ARHGAP6: variants seen among roughly 807,000 people sequenced by gnomAD.
ARHGAP6 encodes the protein rho GTPase-activating protein 6.
A neutral mutation model predicts 55.7 loss-of-function variants in ARHGAP6; 16 were observed. That is an observed-to-expected ratio of 0.29 (90% CI 0.19 to 0.44). The LOEUF (loss-of-function observed/expected upper bound fraction) is 0.44. Ranked by LOEUF, ARHGAP6 falls within the 20% of genes least tolerant of loss-of-function variation. The pLI, the probability that ARHGAP6 is intolerant of heterozygous loss-of-function variation, is 1.00. For synonymous variants in ARHGAP6, 382 were observed against 360.9 expected (o/e 1.06, Z -0.66); for missense variants, 698 against 808.9 (o/e 0.86, Z 1.66).
chrX:11,335,910 G>A, intron 1 of ARHGAP6: 1 of 153,016 alleles, frequency 6.5e-6, no homozygotes, highest in Non-Finnish European at 1.2e-5. Context: ...GCCGGGTCAT[G>A]GTGGACCTTG....
At chrX:11,358,560 A>G (rs112564010) in intron 1 of ARHGAP6, among the ~76,000 whole-genome samples, 6,380 of 104,510 alleles carry the variant, frequency 0.061, 219 homozygotes, top group African/African-American at 0.13. Context: ...GCTCACCGCT[A>G]CCTCTGCCTC....
At chrX:11,346,865 G>A (rs757023315) in intron 1 of ARHGAP6, among the ~76,000 whole-genome samples, 2 of 111,635 alleles carry the variant, frequency 1.8e-5, no homozygotes, top group Non-Finnish European at 3.8e-5. Flanking sequence ...CTACATTTTT[G>A]CTTTAATACA....
At chrX:11,481,470 G>A (rs1339909996) in intron 1 of ARHGAP6, among the ~76,000 whole-genome samples, 1 of 112,556 alleles carries the variant, frequency 8.9e-6, no homozygotes, top group Non-Finnish European at 1.9e-5. Context: ...GTGGTGCCAC[G>A]GTGAGTGGAG....
At chrX:11,605,737 G>A (rs2052028608) in intron 1 of ARHGAP6, among the ~76,000 whole-genome samples, 1 of 111,319 alleles carries the variant, frequency 9.0e-6, no homozygotes, top group African/African-American at 3.3e-5. Flanking sequence ...ATGTGACAGA[G>A]GAAAATCCTA....
chrX:11,162,457 C>T lies in ARHGAP6; in HGVS notation c.1810-5831G>A, dbSNP rs760538223. Among the ~76,000 whole-genome samples the T allele has an allele frequency of 4.6e-5, 5 of 109,603 alleles. No homozygotes were observed. The South Asian group carries it at 2.0e-3, about 44-fold the overall frequency. On this transcript the variant is annotated intron_variant, in intron 9 of 12. Coordinates refer to ENST00000337414, the MANE Select transcript of ARHGAP6 (RefSeq NM_013427.3). ...ATGATGTCTCATTTTCCTCCTCTAACTTTGCCTTCCTACTCTTTCCTCTCT... is the reference window on the plus strand; with the variant it reads ...ATGATGTCTCATTTTCCTCCTCTAATTTTGCCTTCCTACTCTTTCCTCTCT...
intron 2 of ARHGAP6, among the ~76,000 whole-genome samples, chrX:11,238,614 G>A (rs754982514): frequency 4.0e-4 from 45 of 112,545 alleles, no homozygotes; most frequent in Middle Eastern, 4.6e-3. Flanking sequence ...AGTCTAGCCA[G>A]CAAATGGAAC....
intron 1 of ARHGAP6, among the ~76,000 whole-genome samples, chrX:11,448,219 C>T (rs1319699339): frequency 1.8e-5 from 2 of 112,296 alleles, no homozygotes; most frequent in African/African-American, 3.2e-5. Context: ...AATCCTTCCT[C>T]CTTACTTGAT....
chrX:11,422,546 G>T (rs1299691501), intron 1 of ARHGAP6, among the ~76,000 whole-genome samples: 2 of 111,931 alleles, frequency 1.8e-5, no homozygotes, highest in South Asian at 7.5e-4. Flanking sequence ...TAAAAAGATT[G>T]CACTGGCCAT....
At chrX:11,281,211 A>AGAT (rs1337610528) in intron 1 of ARHGAP6, among the ~76,000 whole-genome samples, 3 of 111,248 alleles carry the variant, frequency 2.7e-5, no homozygotes, top group Non-Finnish European at 5.7e-5. Context: ...CTATAAAACC[A>AGAT]GATAAAACCA....
rs908299339 is a variant in ARHGAP6 at position 11,138,892 on chromosome X, G to C, written c.2896C>G (p.Pro966Ala). The change falls in exon 13 of 13, where the codon CCC (proline) becomes GCC (alanine). Residue 966 changes from proline to alanine, a missense_variant. Transcript: ENST00000337414. ...QIWELLSTDNPDALPETLV is the reference protein window; with the variant it reads ...QIWELLSTDNADALPETLV The stretch of plus-strand genomic sequence containing the variant: ...ACCAGCGTCTCGGGCAGGGCATCGG[G>C]GTTGTCGGTCGACAGGAGCTCCCAG... 1 of 1,186,171 alleles carries C rather than the reference G, an allele frequency of 8.4e-7. No homozygotes were observed. Among genetic ancestry groups the C allele is most frequent in the Admixed American group, 2.2e-5 (1 of 44,476 alleles).
chrX:11,428,532 G>T (rs983577718), intron 1 of ARHGAP6, among the ~76,000 whole-genome samples: 4 of 112,215 alleles, frequency 3.6e-5, no homozygotes, highest in African/African-American at 1.3e-4. Flanking sequence ...GAGCCCAGAG[G>T]AAGGCCAGGC....
rs765469842 is a variant in ARHGAP6 at position 11,402,991 on chromosome X, C to T, written c.589-148284G>A. Among the ~76,000 whole-genome samples, 3 of 112,195 alleles carry T rather than the reference C, an allele frequency of 2.7e-5. No individual in the cohort carries two copies. In the East Asian group the frequency reaches 8.3e-4, roughly 31 times the overall value. On this transcript the variant is annotated intron_variant, in intron 1 of 12. Coordinates refer to ENST00000337414, the MANE Select transcript of ARHGAP6 (RefSeq NM_013427.3). ...ATCTGCTTACTGCCTTCATCTTCTT[C>T]GAAAGGAACAGGTGTCATTGAAAAC...
At position 11,155,425 on chromosome X, in the gene ARHGAP6, G is replaced by A. The variant is rs1333114052; in HGVS notation, c.1907+1104C>T. Among the ~76,000 whole-genome samples, 3 of 110,866 alleles carry A rather than the reference G, an allele frequency of 2.7e-5. No homozygotes were observed. The Admixed American group carries it at 2.9e-4, about 11-fold the overall frequency. ...AGCGATTCTCCCATCTCAGCCTCAC[G>A]AGTAGCTGGGATTACAGGCACCTGT... On this transcript the variant is annotated intron_variant, in intron 10 of 12. Coordinates refer to ENST00000337414, the MANE Select transcript of ARHGAP6 (RefSeq NM_013427.3).
At chrX:11,491,858 C>T (rs1242362476) in intron 1 of ARHGAP6, among the ~76,000 whole-genome samples, 1 of 108,789 alleles carries the variant, frequency 9.2e-6, no homozygotes, top group East Asian at 3.0e-4. Context: ...TATTTCTCCA[C>T]ATCCTCTCCA....
At chrX:11,200,872 G>C (rs762760691) in intron 2 of ARHGAP6, among the ~76,000 whole-genome samples, 5 of 112,311 alleles carry the variant, frequency 4.5e-5, no homozygotes, top group African/African-American at 1.6e-4. Flanking sequence ...TAATTCTAGA[G>C]ATAATAATAG....
At chrX:11,261,207 T>C (rs2157879) in intron 1 of ARHGAP6, among the ~76,000 whole-genome samples, 28,263 of 110,952 alleles carry the variant, frequency 0.25, 3,041 homozygotes, top group African/African-American at 0.41. Flanking sequence ...GAAAAACCCA[T>C]GCCAGTACAT....
At chrX:11,158,819 C>T (rs2045900598) in intron 9 of ARHGAP6, among the ~76,000 whole-genome samples, 2 of 111,987 alleles carry the variant, frequency 1.8e-5, no homozygotes, top group Admixed American at 1.9e-4. Context: ...TCCTGAGTGC[C>T]AGGTATTGGA....
intron 2 of ARHGAP6, among the ~76,000 whole-genome samples, chrX:11,214,257 GCA>G (rs35340720): frequency 0.053 from 5,318 of 100,845 alleles, 158 homozygotes; most frequent in African/African-American, 0.095. Context: ...CTTTGCTTAA[GCA>G]CACACACACA....
intron 9 of ARHGAP6, among the ~76,000 whole-genome samples, chrX:11,160,277 G>A (rs748391869): frequency 8.6e-5 from 9 of 104,976 alleles, no homozygotes; most frequent in South Asian, 4.4e-4. Flanking sequence ...GTGAAACCCC[G>A]TCTCTACTAA....
Sources: allele counts gnomAD v4.1 joint callset (sites outside exome capture counted in the v4.1 genomes callset), GRCh38; gene constraint gnomAD v4.1.1; transcripts MANE v1.5; gene names NCBI Gene and HGNC (gene_info 2026-07-23, HGNC 2026-07-21).